Variants in LRRC37A2 observed in about 807,000 individuals in gnomAD.
LRRC37A2 encodes leucine-rich repeat-containing protein 37A2.
A neutral mutation model predicts 68.8 loss-of-function variants in LRRC37A2; 9 were observed. The ratio of observed to expected loss-of-function variants is 0.13; its 90% confidence interval spans 0.08 to 0.23. The LOEUF (loss-of-function observed/expected upper bound fraction) is 0.23, where lower values mean the gene tolerates loss of function less well. LRRC37A2 is among the 10% of genes least tolerant of loss of function. The pLI, the probability that LRRC37A2 is intolerant of heterozygous loss-of-function variation, is 1.00. For missense variants in LRRC37A2, 168 were observed against 950.4 expected, an observed-to-expected ratio of 0.18 and a Z score of 10.82; for synonymous variants, 63 against 367.6, an observed-to-expected ratio of 0.17 and a Z score of 9.48.
the LRRC37A2 span, among the ~76,000 whole-genome samples, chr17:46,874,520 G>A: frequency 2.0e-4 from 30 of 152,276 alleles, 1 homozygote; most frequent in South Asian, 6.2e-3. Context: ...TGCCCTCTGG[G>A]AATCTGGGAA....
the LRRC37A2 span, among the ~76,000 whole-genome samples, chr17:46,802,982 C>G: frequency 6.6e-6 from 1 of 152,124 alleles, no homozygotes. Flanking sequence ...TGTAAAGCAG[C>G]CTGGGGCTTG....
At chr17:46,733,847 C>G in the LRRC37A2 span, among the ~76,000 whole-genome samples, 4 of 152,196 alleles carry the variant, frequency 2.6e-5, no homozygotes, top group Non-Finnish European at 4.4e-5. Flanking sequence ...TATTAGTGTT[C>G]TGGCTAAATT....
the LRRC37A2 span, among the ~76,000 whole-genome samples, chr17:46,752,732 A>G: frequency 6.6e-6 from 1 of 152,128 alleles, no homozygotes; most frequent in Admixed American, 6.5e-5. Flanking sequence ...CTGGGATTAC[A>G]GGCATGCACC....
chr17:46,834,664 C>A, the LRRC37A2 span, among the ~76,000 whole-genome samples: 3,650 of 152,222 alleles, frequency 0.024, 127 homozygotes, highest in African/African-American at 0.079. Context: ...GCCTCCTCCC[C>A]TTCCCTGTCC....
At chr17:47,027,324 G>GA in the LRRC37A2 span, among the ~76,000 whole-genome samples, 11 of 152,014 alleles carry the variant, frequency 7.2e-5, no homozygotes, top group Non-Finnish European at 1.3e-4. Flanking sequence ...CTGCTCTCAG[G>GA]AAAAATTAAT....
chr17:46,761,581 C>T, the LRRC37A2 span, among the ~76,000 whole-genome samples: 1 of 152,078 alleles, frequency 6.6e-6, no homozygotes, highest in Admixed American at 6.5e-5. Context: ...GTGATCCACC[C>T]ACCTCGGCCT....
chr17:46,843,162 A>G, the LRRC37A2 span, among the ~76,000 whole-genome samples: 4 of 152,386 alleles, frequency 2.6e-5, no homozygotes, highest in African/African-American at 9.6e-5. Context: ...AGATATTAAT[A>G]TCGGAGCTGG....
At chr17:46,545,885 T>C (rs1433109933) in intron 8 of LRRC37A2, among the ~76,000 whole-genome samples, 3 of 150,328 alleles carry the variant, frequency 2.0e-5, no homozygotes, top group Non-Finnish European at 4.4e-5. Context: ...CCAACAGGAA[T>C]TGAGAAAGGG....
At chr17:46,951,807 G>C in the LRRC37A2 span, among the ~76,000 whole-genome samples, 1 of 152,118 alleles carries the variant, frequency 6.6e-6, no homozygotes, top group African/African-American at 2.4e-5. Context: ...AACACACAGG[G>C]CCCTCTCTTC....
chr17:46,770,944 G>A, the LRRC37A2 span, among the ~76,000 whole-genome samples: 157 of 152,368 alleles, frequency 1.0e-3, 1 homozygote, highest in African/African-American at 3.5e-3. Flanking sequence ...GGCAGGACCC[G>A]GGAGCCGGAG....
the LRRC37A2 span, among the ~76,000 whole-genome samples, chr17:46,687,214 T>C: frequency 2.6e-5 from 2 of 78,006 alleles, no homozygotes; most frequent in Admixed American, 2.9e-4. Flanking sequence ...AGCTTAATTA[T>C]ATGATCCATC....
chr17:46,860,492 CT>C, the LRRC37A2 span, among the ~76,000 whole-genome samples: 2 of 152,218 alleles, frequency 1.3e-5, no homozygotes, highest in Admixed American at 1.3e-4. Flanking sequence ...CTACCACTTA[CT>C]GACTGACCCA....
At chr17:46,820,360 A>G in the LRRC37A2 span, among the ~76,000 whole-genome samples, 1 of 152,036 alleles carries the variant, frequency 6.6e-6, no homozygotes, top group Non-Finnish European at 1.5e-5. Flanking sequence ...AAGGGGAGGA[A>G]AAGGAGAATC....
chr17:46,770,577 A>C, the LRRC37A2 span, among the ~76,000 whole-genome samples: 2 of 152,074 alleles, frequency 1.3e-5, no homozygotes, highest in Non-Finnish European at 2.9e-5. Flanking sequence ...TCTCGGTCTC[A>C]GTCGCCCTTT....
At chr17:46,996,019 T>G in the LRRC37A2 span, among the ~76,000 whole-genome samples, 1 of 152,110 alleles carries the variant, frequency 6.6e-6, no homozygotes, top group African/African-American at 2.4e-5. Context: ...GGCTGGCCCC[T>G]TGCCAGGATG....
At chr17:46,798,967 G>A in the LRRC37A2 span, among the ~76,000 whole-genome samples, 1 of 149,996 alleles carries the variant, frequency 6.7e-6, no homozygotes, top group Non-Finnish European at 1.5e-5. Context: ...AGAATCACTT[G>A]AGCCTGTGAG....
chr17:46,978,394 A>AAAC, the LRRC37A2 span: 9 of 354,038 alleles, frequency 2.5e-5, no homozygotes, highest in African/African-American at 3.5e-4. Context: ...ACAAACAAAC[A>AAAC]AAAAAAACTG....
At chr17:46,706,910 G>C in the LRRC37A2 span, among the ~76,000 whole-genome samples, 1 of 145,054 alleles carries the variant, frequency 6.9e-6, no homozygotes, top group Non-Finnish European at 1.5e-5. Context: ...GAGTGCAGTG[G>C]TGTGATCTCA....
At chr17:46,897,577 G>T in the LRRC37A2 span, among the ~76,000 whole-genome samples, 1 of 152,186 alleles carries the variant, frequency 6.6e-6, no homozygotes, top group Non-Finnish European at 1.5e-5. Context: ...GAAGCTTCCT[G>T]GGGTGATGGT....
Sources: allele counts gnomAD v4.1 joint callset (sites outside exome capture counted in the v4.1 genomes callset), GRCh38; gene constraint gnomAD v4.1.1; transcripts MANE v1.5; gene names NCBI Gene and HGNC (gene_info 2026-07-23, HGNC 2026-07-21).